Variants in FIRRM observed in about 807,000 individuals in gnomAD.
The protein encoded by FIRRM is FIGNL1 interacting regulator of recombination and mitosis, also known as FIGNL1-interacting regulator of recombination and mitosis.
At chr1:169,840,819 T>C in the FIRRM span, among the ~76,000 whole-genome samples, 1 of 152,160 alleles carries the variant, frequency 6.6e-6, no homozygotes, top group Non-Finnish European at 1.5e-5. Context: ...CTTGTGTTCC[T>C]GATTTGCCAC....
the FIRRM span, chr1:169,804,164 G>A: frequency 6.3e-7 from 1 of 1,599,946 alleles, no homozygotes; most frequent in Non-Finnish European, 8.5e-7. Context: ...TTCAAAAGCA[G>A]TTAATGGAAC....
the FIRRM span, among the ~76,000 whole-genome samples, chr1:169,834,849 A>G: frequency 1.3e-5 from 2 of 152,312 alleles, no homozygotes; most frequent in Non-Finnish European, 2.9e-5. Flanking sequence ...GAAATTATAA[A>G]TTTATAAAGA....
the FIRRM span, chr1:169,827,006 G>A: frequency 1.3e-6 from 2 of 1,579,428 alleles, no homozygotes; most frequent in Non-Finnish European, 1.7e-6. Flanking sequence ...CCTAAAATTA[G>A]AAGATAGCTA....
the FIRRM span, among the ~76,000 whole-genome samples, chr1:169,848,813 C>T: frequency 1.3e-5 from 2 of 152,216 alleles, no homozygotes; most frequent in African/African-American, 2.4e-5. Context: ...AAGCAGAAAT[C>T]GCAGTGCCTT....
At chr1:169,810,540 C>T in the FIRRM span, among the ~76,000 whole-genome samples, 2 of 151,968 alleles carry the variant, frequency 1.3e-5, no homozygotes, top group African/African-American at 4.8e-5. Context: ...CTTTCTGTGT[C>T]TTCACATCAT....
the FIRRM span, chr1:169,803,212 A>G: frequency 5.6e-6 from 9 of 1,614,020 alleles, no homozygotes; most frequent in Admixed American, 1.7e-5. Context: ...TGTGTTCAGC[A>G]TATCTGTGCC....
At chr1:169,800,715 C>CTTT in the FIRRM span, among the ~76,000 whole-genome samples, 1,857 of 136,842 alleles carry the variant, frequency 0.014, 56 homozygotes, top group African/African-American at 0.039. Flanking sequence ...TCCTTTCTCT[C>CTTT]TTTTTTTTTT....
At chr1:169,805,969 G>A in the FIRRM span, 1 of 1,290,238 alleles carries the variant, frequency 7.8e-7, no homozygotes, top group South Asian at 1.3e-5. Flanking sequence ...CATGACATTT[G>A]GATGTCTTAA....
chr1:169,829,178 A>T, the FIRRM span: 2 of 1,226,250 alleles, frequency 1.6e-6, no homozygotes, highest in South Asian at 4.0e-5. Flanking sequence ...TGCTTAAACA[A>T]CCTTCCATGT....
the FIRRM span, chr1:169,798,796 C>A: frequency 4.3e-6 from 2 of 463,438 alleles, no homozygotes; most frequent in Non-Finnish European, 6.8e-6. Context: ...TAATTTGAGT[C>A]CAATTCCAAT....
the FIRRM span, chr1:169,827,259 T>C: frequency 2.2e-6 from 3 of 1,367,520 alleles, no homozygotes; most frequent in Non-Finnish European, 3.0e-6. Context: ...GAGACACTGA[T>C]TTCCCCTAGC....
chr1:169,794,845 G>C, the FIRRM span: 1 of 483,166 alleles, frequency 2.1e-6, no homozygotes, highest in East Asian at 3.7e-5. Flanking sequence ...ACGTGTCCTG[G>C]GATCGCGCTT....
At chr1:169,826,035 T>C in the FIRRM span, 12 of 276,160 alleles carry the variant, frequency 4.3e-5, no homozygotes, top group East Asian at 1.1e-3. Context: ...TGAGTATTAA[T>C]TCATAGTAAA....
the FIRRM span, among the ~76,000 whole-genome samples, chr1:169,845,157 A>G: frequency 2.0e-5 from 3 of 152,220 alleles, no homozygotes; most frequent in Non-Finnish European, 4.4e-5. Flanking sequence ...AGTGAGTCAC[A>G]TGAATTTTTT....
At chr1:169,821,605 C>T in the FIRRM span, 3 of 1,082,632 alleles carry the variant, frequency 2.8e-6, no homozygotes, top group Non-Finnish European at 3.9e-6. Context: ...AAAATATTGT[C>T]TCATTTGTAA....
chr1:169,841,848 A>G, the FIRRM span, among the ~76,000 whole-genome samples: 144 of 152,276 alleles, frequency 9.5e-4, 1 homozygote, highest in African/African-American at 3.1e-3. Flanking sequence ...TTCTGCTTCC[A>G]TTTGGTAACT....
the FIRRM span, among the ~76,000 whole-genome samples, chr1:169,807,231 TTCTC>T: frequency 6.6e-6 from 1 of 152,212 alleles, no homozygotes; most frequent in African/African-American, 2.4e-5. Context: ...CCTAGGATGC[TTCTC>T]TCTCCTATTT....
the FIRRM span, chr1:169,850,994 TTTTTTTTTTTTTATTTG>T: frequency 3.7e-5 from 2 of 54,350 alleles, no homozygotes; most frequent in South Asian, 7.8e-4. Flanking sequence ...TTTTTTTTTT[TTTTTTTTTTTTTATTTG>T]GGCAGCCTCC....
At chr1:169,788,396 TTCC>T in the FIRRM span, among the ~76,000 whole-genome samples, 4 of 152,344 alleles carry the variant, frequency 2.6e-5, no homozygotes, top group African/African-American at 9.6e-5. Context: ...ATGTTTTCTC[TTCC>T]TCCTAATTTT....
Sources: allele counts gnomAD v4.1 joint callset (sites outside exome capture counted in the v4.1 genomes callset), GRCh38; gene constraint gnomAD v4.1.1; transcripts MANE v1.5; gene names NCBI Gene and HGNC (gene_info 2026-07-23, HGNC 2026-07-21).